Variants in IFT74 observed in about 807,000 individuals in gnomAD.
IFT74 encodes the protein intraflagellar transport 74.
IFT74 carries 92 observed loss-of-function variants against 96.7 expected under a neutral mutation model. The observed-to-expected ratio is 0.95, with a 90% CI of 0.80 to 1.13. The LOEUF is 1.13. IFT74 is among the 50% of genes most tolerant of loss of function. The pLI is 0.00. For synonymous variants in IFT74, 223 were observed against 213.2 expected (o/e 1.05, Z -0.40); for missense variants, 811 against 698.2 (o/e 1.16, Z -1.82).
intron 8 of IFT74, chr9:26,995,679 C>T (rs374788976): frequency 1.2e-6 from 2 of 1,613,666 alleles, no homozygotes; most frequent in Admixed American, 1.7e-5. Context: ...CCAGTAAAAC[C>T]ATCTTCATAG....
intron 3 of IFT74, among the ~76,000 whole-genome samples, chr9:26,979,144 G>T (rs899434181): frequency 6.8e-6 from 1 of 146,758 alleles, no homozygotes; most frequent in Admixed American, 6.8e-5. Flanking sequence ...CCTTTCAAGA[G>T]ACTTAAATTT....
At chr9:27,055,427 T>C (rs1467872174) in intron 16 of IFT74, among the ~76,000 whole-genome samples, 182 bp from the exon 17 acceptor site, 2 of 152,116 alleles carry the variant, frequency 1.3e-5, no homozygotes, top group Admixed American at 6.5e-5. Context: ...TTACCTGAAA[T>C]TGGTTATTGA....
intron 13 of IFT74, among the ~76,000 whole-genome samples, chr9:27,037,035 T>G (rs865797844): frequency 1.8e-4 from 27 of 151,858 alleles, no homozygotes; most frequent in Admixed American, 1.6e-3. Context: ...CTGGCCCAAA[T>G]GGTGAAACCC....
chr9:26,971,242 T>C (rs1292543566), intron 2 of IFT74, among the ~76,000 whole-genome samples: 1 of 152,232 alleles, frequency 6.6e-6, no homozygotes, highest in Non-Finnish European at 1.5e-5. Flanking sequence ...CACTTTGGAA[T>C]GGTCTTAGCC....
At chr9:26,997,950 G>A (rs1168611487) in intron 8 of IFT74, 4 of 1,613,800 alleles carry the variant, frequency 2.5e-6, no homozygotes, top group South Asian at 2.2e-5. Context: ...AGATATAACT[G>A]TTTTAGTTTA....
intron 6 of IFT74, among the ~76,000 whole-genome samples, chr9:26,984,998 A>G (rs1414629897): frequency 6.6e-6 from 1 of 152,188 alleles, no homozygotes; most frequent in Non-Finnish European, 1.5e-5. Context: ...ATAAAGACAC[A>G]TGCACATGTG....
At chr9:27,003,951 T>C (rs1325371072) in intron 8 of IFT74, among the ~76,000 whole-genome samples, 1 of 152,194 alleles carries the variant, frequency 6.6e-6, no homozygotes, top group African/African-American at 2.4e-5. Context: ...TTCTCAATGA[T>C]GTGGTGAAAT....
upstream of IFT74, chr9:26,955,955 G>A (rs935067692): frequency 3.3e-5 from 5 of 152,118 alleles, no homozygotes; most frequent in Admixed American, 3.3e-4. Context: ...AAGCAGGAAC[G>A]GAACAGTTGG....
chr9:27,050,138 G>A (rs912535482), intron 16 of IFT74, among the ~76,000 whole-genome samples: 2 of 152,058 alleles, frequency 1.3e-5, no homozygotes, highest in African/African-American at 4.8e-5. Flanking sequence ...GCTCACTGCA[G>A]CATTTACTTC....
chr9:27,059,309 A>G (rs1820307887), intron 18 of IFT74, among the ~76,000 whole-genome samples: 2 of 152,190 alleles, frequency 1.3e-5, no homozygotes, highest in African/African-American at 4.8e-5. Context: ...AATTTTATGT[A>G]ACAGATTATT....
At chr9:27,030,327 A>C (rs1005261141) in intron 13 of IFT74, among the ~76,000 whole-genome samples, 2 of 152,110 alleles carry the variant, frequency 1.3e-5, no homozygotes, top group African/African-American at 4.8e-5. Context: ...CTTGGGTTCA[A>C]GTGATCCTCC....
intron 13 of IFT74, among the ~76,000 whole-genome samples, chr9:27,033,973 CTG>C (rs1587391170): frequency 6.6e-6 from 1 of 152,008 alleles, no homozygotes; most frequent in African/African-American, 2.4e-5. Context: ...GAAGTTTTGA[CTG>C]TTAGGCCTGA....
chr9:27,010,439 C>G (rs1038848055), intron 9 of IFT74, among the ~76,000 whole-genome samples: 1 of 151,878 alleles, frequency 6.6e-6, no homozygotes, highest in African/African-American at 2.4e-5. Context: ...CTGGGCACCA[C>G]CTTCTCAGCC....
intron 8 of IFT74, among the ~76,000 whole-genome samples, chr9:27,001,587 T>C (rs1442383483): frequency 1.3e-5 from 2 of 151,430 alleles, no homozygotes; most frequent in East Asian, 1.9e-4. Flanking sequence ...TCCACATACT[T>C]GTTTGTCTTT....
At chr9:26,961,520 C>T (rs1015359905) in intron 1 of IFT74, among the ~76,000 whole-genome samples, 1 of 152,100 alleles carries the variant, frequency 6.6e-6, no homozygotes, top group Non-Finnish European at 1.5e-5. Flanking sequence ...GAAAGTGTTA[C>T]TCTCAGGGGA....
chr9:27,019,716 T>C (rs1829508572), intron 12 of IFT74, among the ~76,000 whole-genome samples: 1 of 152,074 alleles, frequency 6.6e-6, no homozygotes, highest in African/African-American at 2.4e-5. Context: ...TTTTTTATTA[T>C]CATGAGTCAT....
rs575214008 is a variant in IFT74, at chr9:27,010,675, TAG to T, written c.727-1227_727-1226del. Among the ~76,000 whole-genome samples the T allele has an allele frequency of 3.6e-3, 542 of 151,092 alleles. 5 individuals carry two copies. Among genetic ancestry groups the T allele is most frequent in the Non-Finnish European group, 5.3e-3 (357 of 67,728 alleles). Reference sequence around the variant, plus strand: ...TGGCCAATTTTTTATGTGTTTTTAGTAGAGACAGTGTTTCACCGTGTTAGCCA... The same window carrying T: ...TGGCCAATTTTTTATGTGTTTTTAGTAGACAGTGTTTCACCGTGTTAGCCA... On this transcript the variant is annotated intron_variant, in intron 9 of 19. Coordinates refer to ENST00000380062, the MANE Select transcript of IFT74 (RefSeq NM_025103.4).
At chr9:27,033,545 G>T (rs1360006869) in intron 13 of IFT74, among the ~76,000 whole-genome samples, 5 of 139,876 alleles carry the variant, frequency 3.6e-5, no homozygotes, top group African/African-American at 1.4e-4. Flanking sequence ...CTGCACTTCA[G>T]CCTGGATAAC....
intron 6 of IFT74, among the ~76,000 whole-genome samples, chr9:26,988,030 G>T (rs925167320): frequency 6.6e-6 from 1 of 151,892 alleles, no homozygotes; most frequent in Non-Finnish European, 1.5e-5. Flanking sequence ...TCGGCTCACC[G>T]CAACCTCTGC....
Sources: allele counts gnomAD v4.1 joint callset (sites outside exome capture counted in the v4.1 genomes callset), GRCh38; gene constraint gnomAD v4.1.1; transcripts MANE v1.5; gene names NCBI Gene and HGNC (gene_info 2026-07-23, HGNC 2026-07-21).